RAB8B: variants seen among roughly 807,000 people sequenced by gnomAD.
The protein encoded by RAB8B is RAB8B, member RAS oncogene family.
RAB8B carries 11 observed loss-of-function variants against 32.0 expected under a neutral mutation model. The ratio of observed to expected loss-of-function variants is 0.34; its 90% CI spans 0.22 to 0.57. The LOEUF is 0.57. Ranked by LOEUF, RAB8B falls within the 20% of genes least tolerant of loss-of-function variation. The pLI is 0.86. For synonymous variants in RAB8B, 103 were observed against 89.6 expected (o/e 1.15, Z -0.85); for missense variants, 190 against 258.5 (o/e 0.73, Z 1.82).
At chr15:63,245,897 A>G (rs968236502) in intron 2 of RAB8B, among the ~76,000 whole-genome samples, 6 of 152,030 alleles carry the variant, frequency 3.9e-5, no homozygotes, top group Admixed American at 2.6e-4. Context: ...TTTGAGACAG[A>G]GTTTCGCTCT....
At chr15:63,221,816 A>C (rs2037847215) in intron 1 of RAB8B, among the ~76,000 whole-genome samples, 1 of 152,180 alleles carries the variant, frequency 6.6e-6, no homozygotes, top group African/African-American at 2.4e-5. Context: ...CTATGATTTC[A>C]CTTTTGATTC....
rs193038196 is a variant in RAB8B at position 63,207,720 on chromosome 15, C to T, written c.124+17972C>T. ...GACTACAGGTGCGTGCCACCACACC[C>T]GGCAAATTTTCTTTTTTGGTATTTT... On this transcript the variant is annotated intron_variant, in intron 1 of 7. Transcript: ENST00000321437. Among the ~76,000 whole-genome samples, 95 of 152,072 alleles carry T rather than the reference C, an allele frequency of 6.2e-4. No individual in the cohort carries two copies. The East Asian group carries it at 0.014, about 23-fold the overall frequency.
At chr15:63,219,791 A>G (rs8029212) in intron 1 of RAB8B, among the ~76,000 whole-genome samples, 143,049 of 152,246 alleles carry the variant, frequency 0.94, 67,420 homozygotes, top group East Asian at 1. Context: ...GTCTTTTACT[A>G]TTGAGCCTAT....
intron 1 of RAB8B, among the ~76,000 whole-genome samples, chr15:63,237,781 C>T (rs34742909): frequency 0.085 from 12,914 of 152,116 alleles, 606 homozygotes; most frequent in Middle Eastern, 0.14. Context: ...ACTGTGCTTG[C>T]AGGGTATTAC....
chr15:63,219,074 G>A (rs1656154256), intron 1 of RAB8B, among the ~76,000 whole-genome samples: 1 of 145,832 alleles, frequency 6.9e-6, no homozygotes, highest in Non-Finnish European at 1.5e-5. Context: ...ACTGAGGTGG[G>A]TAGATCACGA....
At chr15:63,194,732 G>C (rs1239000514) in intron 1 of RAB8B, among the ~76,000 whole-genome samples, 1 of 152,068 alleles carries the variant, frequency 6.6e-6, no homozygotes, top group Non-Finnish European at 1.5e-5. Flanking sequence ...TTAAAATCAG[G>C]GGTTAGCACA....
rs1257624660 is a variant in RAB8B, at chr15:63,265,216, A to C, written c.*1597A>C. On this transcript the variant is annotated 3_prime_UTR_variant, in exon 8 of 8. Transcript: ENST00000321437. This position sits in a 1 kb window ranked among gnomAD's most constrained non-coding sequence, Gnocchi z 4.9. Reference sequence around the variant, plus strand: ...GGAAAGGGATTGCTTGTTACCACAGAGAATTCTCTTCAAATTAAGATATGT... The same window carrying C: ...GGAAAGGGATTGCTTGTTACCACAGCGAATTCTCTTCAAATTAAGATATGT... The C allele has an allele frequency of 6.6e-6, 1 of 152,214 alleles. No homozygotes were observed. Among genetic ancestry groups the C allele is most frequent in the Non-Finnish European group, 1.5e-5 (1 of 68,010 alleles). The allele number at this position is 152,214 out of a possible 1,614,324, so 9.4% of individuals were successfully genotyped here.
chr15:63,207,142 T>A (rs1248613467), intron 1 of RAB8B, among the ~76,000 whole-genome samples: 1 of 152,224 alleles, frequency 6.6e-6, no homozygotes, highest in African/African-American at 2.4e-5. Flanking sequence ...TTTTAGAAAT[T>A]GGACACTTCA....
At chr15:63,237,322 T>C (rs954360396) in intron 1 of RAB8B, among the ~76,000 whole-genome samples, 6 of 152,248 alleles carry the variant, frequency 3.9e-5, no homozygotes, top group Admixed American at 1.3e-4. Context: ...CTGTTCTCCA[T>C]AGTGGCTGTA....
At chr15:63,244,162 C>T (rs1052138215) in intron 1 of RAB8B, among the ~76,000 whole-genome samples, 2 of 152,186 alleles carry the variant, frequency 1.3e-5, no homozygotes, top group Non-Finnish European at 2.9e-5. Context: ...TTCTAGAGTA[C>T]AGTCAGGCCT....
chr15:63,211,081 TG>T (rs2037743243), intron 1 of RAB8B, among the ~76,000 whole-genome samples: 1 of 152,218 alleles, frequency 6.6e-6, no homozygotes, highest in South Asian at 2.1e-4. Flanking sequence ...GGAAAGAATT[TG>T]GGGAAGGATC....
At chr15:63,237,330 G>A (rs982724145) in intron 1 of RAB8B, among the ~76,000 whole-genome samples, 2 of 152,178 alleles carry the variant, frequency 1.3e-5, no homozygotes, top group African/African-American at 2.4e-5. Flanking sequence ...CATAGTGGCT[G>A]TACTAATTTG....
At chr15:63,213,918 T>C (rs1193820095) in intron 1 of RAB8B, among the ~76,000 whole-genome samples, 2 of 151,866 alleles carry the variant, frequency 1.3e-5, no homozygotes, top group Admixed American at 1.3e-4. Context: ...CCTACTCTAA[T>C]AAAAATACAA....
Position 63,267,602 on chromosome 15 carries a change from T to C in RAB8B, c.*3983T>C, listed in dbSNP as rs1273456562. On this transcript the variant is annotated 3_prime_UTR_variant, in exon 8 of 8. Transcript: ENST00000321437. ...TTATTTTTGCTCCAATGGCTTAATG[T>C]GAAAAGCTCCTGCAGATAAGTGGAC... The C allele has an allele frequency of 6.6e-6, 1 of 152,236 alleles. No individual in the cohort carries two copies. The highest frequency in any genetic ancestry group is 2.4e-5 in the African/African-American group (1 of 41,460). The allele number at this position is 152,236 out of a possible 1,614,324, so 9.4% of individuals were successfully genotyped here. A position where few individuals can be genotyped will look rare whatever the true frequency, so the allele number is the denominator to read the frequency against.
At chr15:63,208,462 A>G (rs1044090109) in intron 1 of RAB8B, among the ~76,000 whole-genome samples, 7 of 151,906 alleles carry the variant, frequency 4.6e-5, no homozygotes, top group Admixed American at 6.6e-5. Flanking sequence ...AATTCTTGCT[A>G]TTTTTTTTCT....
intron 1 of RAB8B, among the ~76,000 whole-genome samples, chr15:63,197,991 A>G (rs1210188624): frequency 1.3e-5 from 2 of 152,196 alleles, no homozygotes; most frequent in Non-Finnish European, 2.9e-5. Flanking sequence ...TTATTAGTAA[A>G]TAATTATTAG....
intron 1 of RAB8B, among the ~76,000 whole-genome samples, chr15:63,198,196 G>A (rs1371780455): frequency 6.6e-6 from 1 of 152,112 alleles, no homozygotes; most frequent in Non-Finnish European, 1.5e-5. Flanking sequence ...GCATAAAGTG[G>A]TGGAAACAGT....
At chr15:63,252,332 A>G (rs561004025) in intron 3 of RAB8B, among the ~76,000 whole-genome samples, 5 of 152,298 alleles carry the variant, frequency 3.3e-5, no homozygotes, top group Admixed American at 6.5e-5. Flanking sequence ...TAGATCCTCA[A>G]AATGATCAAG....
intron 2 of RAB8B, 35 bp downstream of exon 2, chr15:63,244,851 T>C: frequency 2.0e-6 from 3 of 1,496,624 alleles, no homozygotes; most frequent in Non-Finnish European, 1.8e-6. Context: ...TCTGCTTTAA[T>C]TGGGAATTGA....
Sources: allele counts gnomAD v4.1 joint callset (sites outside exome capture counted in the v4.1 genomes callset), GRCh38; gene constraint gnomAD v4.1.1; non-coding constraint Gnocchi (gnomAD v3.1); transcripts MANE v1.5; gene names NCBI Gene and HGNC (gene_info 2026-07-23, HGNC 2026-07-21).